The following UXS1 variants were observed in gnomAD, a reference collection of about 807,000 sequenced individuals.
UXS1 encodes UDP-glucuronic acid decarboxylase 1.
Under a neutral mutation model 62.6 loss-of-function variants are expected in UXS1, and 33 were observed. That is an observed-to-expected ratio of 0.53 (90% CI 0.40 to 0.70). The LOEUF (loss-of-function observed/expected upper bound fraction) is 0.70, where lower values mean the gene tolerates loss of function less well. UXS1 is among the 30% of genes least tolerant of loss of function. UXS1 has a pLI of 0.00. For synonymous variants in UXS1, 213 were observed against 206.8 expected, an observed-to-expected ratio of 1.03 and a Z score of -0.26; for missense variants, 434 against 556.3, an observed-to-expected ratio of 0.78 and a Z score of 2.21.
At chr2:106,130,381 G>C (rs1680343667) in intron 6 of UXS1, among the ~76,000 whole-genome samples, 1 of 152,154 alleles carries the variant, frequency 6.6e-6, no homozygotes, top group South Asian at 2.1e-4. Context: ...ACAGAACCAA[G>C]TCAGGTAACA....
At position 106,145,324 on chromosome 2, in the gene UXS1, A is replaced by G; in HGVS notation, c.338T>C (p.Leu113Pro). 6.2e-7 allele frequency: 1 copy of G among 1,613,888 alleles called. No individual in the cohort carries two copies. The highest frequency in any genetic ancestry group is 8.5e-7 in the Non-Finnish European group (1 of 1,179,854). The change falls in exon 6 of 15, where the codon CTC (leucine) becomes CCC (proline). Residue 113 changes from leucine to proline, a missense_variant. Coordinates refer to ENST00000283148, the MANE Select transcript of UXS1 (RefSeq NM_001253875.2). ...GFVGSHLTDK[L>P]MMDGHEVTVV... ...GGTCACCTCGTGGCCGTCCATCATGAGTTTGTCAGTTAGATGGGAGCCCAC... is the reference window on the plus strand; with the variant it reads ...GGTCACCTCGTGGCCGTCCATCATGGGTTTGTCAGTTAGATGGGAGCCCAC...
At chr2:106,141,865 GTTTTTTTTTTGGT>G (rs1388528046) in intron 6 of UXS1, among the ~76,000 whole-genome samples, 1 of 145,360 alleles carries the variant, frequency 6.9e-6, no homozygotes, top group South Asian at 2.2e-4. Flanking sequence ...TAGCTTCAGT[GTTTTTTTTTTGGT>G]TTTTTTTTTT....
intron 8 of UXS1, among the ~76,000 whole-genome samples, chr2:106,125,296 G>C (rs769922877): frequency 2.6e-5 from 4 of 152,242 alleles, no homozygotes; most frequent in Non-Finnish European, 4.4e-5. Context: ...ACATGTGCTA[G>C]ACAAACAGGT....
At chr2:106,152,389 T>G (rs1052910131) in intron 5 of UXS1, among the ~76,000 whole-genome samples, 2 of 150,546 alleles carry the variant, frequency 1.3e-5, no homozygotes, top group Non-Finnish European at 3.0e-5. Flanking sequence ...GAGGTGGAGG[T>G]TGCAGTGACC....
rs1437197322 is a variant in UXS1 at position 106,191,081 on chromosome 2, C to CT, written c.94+3066_94+3067insA. Among the ~76,000 whole-genome samples, 3 of 152,060 alleles carry CT rather than the reference C, an allele frequency of 2.0e-5. No individual in the cohort carries two copies. The East Asian group carries it at 5.8e-4, about 29-fold the overall frequency. ...GCCAACATATGAATGGGAAAGAACT[C>CT]AAGTACAATGCAAGTTAGCAGGTGG... On this transcript the variant is annotated intron_variant, in intron 1 of 14. Coordinates refer to ENST00000283148, the MANE Select transcript of UXS1 (RefSeq NM_001253875.2).
intron 8 of UXS1, among the ~76,000 whole-genome samples, chr2:106,123,505 T>C (rs1449114780): frequency 2.3e-4 from 35 of 152,172 alleles, no homozygotes; most frequent in Non-Finnish European, 4.4e-5. Context: ...GCAGCATCTC[T>C]GGAACATGAT....
chr2:106,180,050 A>AGTGAGC (rs1157673829), intron 1 of UXS1, among the ~76,000 whole-genome samples: 7 of 152,076 alleles, frequency 4.6e-5, no homozygotes, highest in African/African-American at 1.7e-4. Flanking sequence ...CAGAGATTGC[A>AGTGAGC]GTGAGCCGAG....
chr2:106,129,511 C>G (rs1416145112), intron 7 of UXS1, among the ~76,000 whole-genome samples, 163 bp downstream of exon 7: 1 of 152,192 alleles, frequency 6.6e-6, no homozygotes, highest in African/African-American at 2.4e-5. Flanking sequence ...ATAAAAGTCA[C>G]ACTGAAATAA....
At chr2:106,126,576 T>C (rs1558702078) in intron 7 of UXS1, among the ~76,000 whole-genome samples, 2 of 152,188 alleles carry the variant, frequency 1.3e-5, no homozygotes, top group South Asian at 4.1e-4. Flanking sequence ...GGTAGGATTC[T>C]AGCGTGCAGC....
chr2:106,164,178 C>T (rs13415557), intron 3 of UXS1, among the ~76,000 whole-genome samples: 20 of 152,330 alleles, frequency 1.3e-4, no homozygotes, highest in African/African-American at 4.3e-4. Flanking sequence ...GGCAGAAAGA[C>T]AGCAACTCAA....
At position 106,155,737 on chromosome 2, in the gene UXS1, C is replaced by G. The variant is rs1032280732; in HGVS notation, c.291+2321G>C. Among the ~76,000 whole-genome samples, 7 of 152,170 alleles carry G rather than the reference C, an allele frequency of 4.6e-5. No individual in the cohort carries two copies. The East Asian group carries it at 9.6e-4, about 21-fold the overall frequency. ...TAATGCATTTCTCAGAATGTATCCC[C>G]ACTGTTAAGTGATGCTTGACTGTAC... On this transcript the variant is annotated intron_variant, in intron 5 of 14. Transcript: ENST00000283148.
At chr2:106,130,079 C>T (rs1680309167) in intron 6 of UXS1, among the ~76,000 whole-genome samples, 1 of 151,708 alleles carries the variant, frequency 6.6e-6, no homozygotes, top group Non-Finnish European at 1.5e-5. Context: ...ATAGAGCATT[C>T]AAATCAGAAG....
intron 10 of UXS1, among the ~76,000 whole-genome samples, chr2:106,106,191 C>G (rs887605197): frequency 4.6e-5 from 7 of 152,030 alleles, no homozygotes; most frequent in African/African-American, 1.7e-4. Context: ...ATGGAGAAAC[C>G]CTGTCTCTGC....
intron 6 of UXS1, chr2:106,138,368 C>T (rs1680831649): frequency 8.1e-6 from 8 of 985,596 alleles, no homozygotes; most frequent in Non-Finnish European, 8.4e-6. Context: ...ACGATGAGCT[C>T]ACTGAGCACA....
At chr2:106,130,209 T>C (rs1428049797) in intron 6 of UXS1, among the ~76,000 whole-genome samples, 1 of 152,282 alleles carries the variant, frequency 6.6e-6, no homozygotes, top group African/African-American at 2.4e-5. Flanking sequence ...CTCTCGTTTG[T>C]TTTTATGCAT....
At chr2:106,163,506 T>C (rs1301236323) in intron 4 of UXS1, among the ~76,000 whole-genome samples, 161 bp downstream of exon 4, 1 of 152,256 alleles carries the variant, frequency 6.6e-6, no homozygotes, top group African/African-American at 2.4e-5. Context: ...AGATTGATTC[T>C]TCTCCCCATG....
At chr2:106,096,678 G>A (rs1394059528) in intron 14 of UXS1, 40 bp downstream of exon 14, 6 of 1,511,704 alleles carry the variant, frequency 4.0e-6, no homozygotes, top group South Asian at 1.3e-5. Flanking sequence ...GGACACGGGA[G>A]GCCCCTCCCC....
chr2:106,120,248 G>T (rs1222719880), intron 9 of UXS1, among the ~76,000 whole-genome samples: 1 of 152,162 alleles, frequency 6.6e-6, no homozygotes, highest in Non-Finnish European at 1.5e-5. Flanking sequence ...CTGGAGCTCA[G>T]GCAATACCAC....
intron 4 of UXS1, among the ~76,000 whole-genome samples, chr2:106,160,807 G>A (rs1356804261): frequency 1.3e-5 from 2 of 152,212 alleles, no homozygotes; most frequent in African/African-American, 4.8e-5. Context: ...AATGCAGCGT[G>A]CTGAAACCTT....
Sources: allele counts gnomAD v4.1 joint callset (sites outside exome capture counted in the v4.1 genomes callset), GRCh38; gene constraint gnomAD v4.1.1; transcripts MANE v1.5; gene names NCBI Gene and HGNC (gene_info 2026-07-23, HGNC 2026-07-21).